NUF2: variants seen among roughly 807,000 people sequenced by gnomAD.
NUF2 encodes the protein kinetochore protein Nuf2.
A neutral mutation model predicts 61.8 loss-of-function variants in NUF2; 34 were observed. The ratio of observed to expected loss-of-function variants is 0.55; its 90% confidence interval spans 0.42 to 0.73. The LOEUF is 0.73. NUF2 is among the 30% of genes least tolerant of loss of function. The pLI is 0.00. For missense variants in NUF2, 445 were observed against 539.1 expected (o/e 0.83, Z 1.73); for synonymous variants, 172 against 181.6 (o/e 0.95, Z 0.42).
chr1:163,334,210 A>G (rs1443990563), intron 5 of NUF2, among the ~76,000 whole-genome samples: 1 of 152,140 alleles, frequency 6.6e-6, no homozygotes, highest in African/African-American at 2.4e-5. Flanking sequence ...TTAAAATCCA[A>G]TCCTCCACTG....
At chr1:163,335,090 A>G (rs1650713400) in intron 5 of NUF2, among the ~76,000 whole-genome samples, 1 of 152,162 alleles carries the variant, frequency 6.6e-6, no homozygotes, top group African/African-American at 2.4e-5. Flanking sequence ...AGTAGCTGGG[A>G]CTACAGGTGC....
At chr1:163,347,723 A>G (rs1298936409) in intron 11 of NUF2, 40 bp from the exon 12 acceptor site, 1 of 1,223,996 alleles carries the variant, frequency 8.2e-7, no homozygotes, top group Non-Finnish European at 1.1e-6. Context: ...CTAAATCCTA[A>G]TTGGTTATGT....
chr1:163,341,214 T>A (rs1229473173), intron 9 of NUF2, among the ~76,000 whole-genome samples: 1 of 152,140 alleles, frequency 6.6e-6, no homozygotes, highest in Non-Finnish European at 1.5e-5. Flanking sequence ...CTTATTTTAT[T>A]TTTTAGTTTT....
chr1:163,333,562 A>G (rs1294467781), intron 5 of NUF2, among the ~76,000 whole-genome samples: 1 of 151,800 alleles, frequency 6.6e-6, no homozygotes, highest in Admixed American at 6.6e-5. Flanking sequence ...AAGATATTCT[A>G]CCTTGTCTGT....
Position 163,326,179 on chromosome 1 carries a change from A to G in NUF2, c.123+5A>G. The G allele has an allele frequency of 3.7e-6, 6 of 1,612,030 alleles. No individual in the cohort carries two copies. The highest frequency in any genetic ancestry group is 5.1e-6 in the Non-Finnish European group (6 of 1,178,780). On this transcript the variant is annotated splice_donor_5th_base_variant and intron_variant, in intron 2 of 13. Transcript: ENST00000271452. The stretch of plus-strand genomic sequence containing the variant: ...GATCTTTATCCAAATCCAAAGGTAA[A>G]AGGTGGTTACGTTTGCATGTGGATA...
intron 3 of NUF2, chr1:163,327,942 A>C (rs1044135633): frequency 2.9e-5 from 11 of 377,222 alleles, no homozygotes; most frequent in Middle Eastern, 7.2e-4. Flanking sequence ...TAAGATTGAA[A>C]CAATTGAAAT....
intron 2 of NUF2, 30 bp downstream of exon 2, chr1:163,326,204 A>G: frequency 1.2e-6 from 2 of 1,605,534 alleles, no homozygotes; most frequent in Non-Finnish European, 1.7e-6. Context: ...GCATGTGGAT[A>G]ATGGTATTTA....
At chr1:163,330,443 A>G (rs925720989) in intron 5 of NUF2, among the ~76,000 whole-genome samples, 3 of 152,126 alleles carry the variant, frequency 2.0e-5, no homozygotes, top group Admixed American at 6.5e-5. Context: ...GTCTATCTTT[A>G]TGTCAAGCAG....
chr1:163,328,950 T>C (rs774172857), intron 5 of NUF2, 43 bp downstream of exon 5: 3 of 1,026,586 alleles, frequency 2.9e-6, no homozygotes, highest in East Asian at 2.5e-5. Context: ...GGCTTCGATC[T>C]ACCATTTCAC....
chr1:163,328,452 T>G (rs1409677810), intron 4 of NUF2, 148 bp downstream of exon 4: 1 of 535,444 alleles, frequency 1.9e-6, no homozygotes, highest in African/African-American at 1.9e-5. Context: ...ACTTTCAAAA[T>G]TGTAGACTGT....
chr1:163,327,474 G>A lies in NUF2; in HGVS notation c.124-14G>A, dbSNP rs1300349752. 6.4e-7 allele frequency: 1 copy of A among 1,552,874 alleles called. No individual in the cohort carries two copies. The highest frequency in any genetic ancestry group is 1.7e-5 in the Admixed American group (1 of 59,628). On this transcript the variant is annotated splice_polypyrimidine_tract_variant and intron_variant, in intron 2 of 13. Transcript: ENST00000271452. ...GTTATGCATCGGAGTATTCAAAGTT[G>A]TTTTTTGCTGTAGCCTGAAGTCTTG... is the stretch of plus-strand genomic sequence containing the variant.
At chr1:163,344,963 T>A (rs1271977189) in intron 10 of NUF2, among the ~76,000 whole-genome samples, 1 of 152,104 alleles carries the variant, frequency 6.6e-6, no homozygotes, top group South Asian at 2.1e-4. Flanking sequence ...CCTTAAAAAA[T>A]TTAAGTTTTA....
At chr1:163,344,126 G>T (rs1488194644) in intron 10 of NUF2, among the ~76,000 whole-genome samples, 5 of 151,954 alleles carry the variant, frequency 3.3e-5, no homozygotes, top group African/African-American at 1.2e-4. Flanking sequence ...AGAAATGCTG[G>T]GTGGTGAGAT....
In NUF2 at chr1:163,342,454, G is replaced by A. The variant is rs182297167; in HGVS notation, c.670-1279G>A. Among the ~76,000 whole-genome samples, 203 of 152,206 alleles carry A rather than the reference G, an allele frequency of 1.3e-3. 1 individual carries two copies. Among genetic ancestry groups the A allele is most frequent in the African/African-American group, 4.7e-3 (195 of 41,532 alleles). On this transcript the variant is annotated intron_variant, in intron 9 of 13. Transcript: ENST00000271452. Reference sequence around the variant, plus strand: ...GAGCATTAAAAGAGTAGATAATGTGGTGGTTTGCAGAACTCTAAGAATGAA... The same window carrying A: ...GAGCATTAAAAGAGTAGATAATGTGATGGTTTGCAGAACTCTAAGAATGAA...
At chr1:163,352,618 G>A (rs979506235) in intron 13 of NUF2, among the ~76,000 whole-genome samples, 29 of 152,206 alleles carry the variant, frequency 1.9e-4, no homozygotes, top group Admixed American at 1.9e-3. Flanking sequence ...TGTAATCCCA[G>A]CACTTTGGGA....
chr1:163,337,704 C>T (rs1650810123), intron 6 of NUF2, among the ~76,000 whole-genome samples: 1 of 152,000 alleles, frequency 6.6e-6, no homozygotes, highest in South Asian at 2.1e-4. Context: ...CTTGTTGGTT[C>T]CCATTATATG....
chr1:163,340,182 A>G (rs1457080392), intron 8 of NUF2, 182 bp from the exon 9 acceptor site: 7 of 529,022 alleles, frequency 1.3e-5, no homozygotes, highest in Non-Finnish European at 2.3e-5. Context: ...GGAGTTAACT[A>G]CTTAGTAAAG....
intron 2 of NUF2, 26 bp downstream of exon 2, chr1:163,326,200 G>A: frequency 6.2e-7 from 1 of 1,606,132 alleles, no homozygotes; most frequent in South Asian, 1.1e-5. Flanking sequence ...GTTTGCATGT[G>A]GATAATGGTA....
At chr1:163,331,503 T>C (rs1375566855) in intron 5 of NUF2, among the ~76,000 whole-genome samples, 1 of 152,052 alleles carries the variant, frequency 6.6e-6, no homozygotes, top group Non-Finnish European at 1.5e-5. Context: ...TATCAGGATA[T>C]ACCAGTCTCA....
Sources: allele counts gnomAD v4.1 joint callset (sites outside exome capture counted in the v4.1 genomes callset), GRCh38; gene constraint gnomAD v4.1.1; transcripts MANE v1.5; gene names NCBI Gene and HGNC (gene_info 2026-07-23, HGNC 2026-07-21).